KLHDC10: variants seen among roughly 807,000 people sequenced by gnomAD.
KLHDC10 encodes kelch domain containing 10, also known as kelch domain-containing protein 10.
KLHDC10 carries 24 observed loss-of-function variants against 56.1 expected under a neutral mutation model. That is an observed-to-expected ratio of 0.43 (90% CI 0.31 to 0.60). KLHDC10 has a LOEUF of 0.60. Ranked by LOEUF, KLHDC10 falls within the 20% of genes least tolerant of loss-of-function variation. KLHDC10 has a pLI of 0.11. For missense variants in KLHDC10, 349 were observed against 567.0 expected (o/e 0.62, Z 3.91); for synonymous variants, 188 against 207.1 (o/e 0.91, Z 0.79).
chr7:130,132,028 G>C lies in KLHDC10; in HGVS notation c.*1282G>C, dbSNP rs374433521. 6.6e-6 allele frequency: 1 copy of C among 151,824 alleles called. No homozygotes were observed. Among genetic ancestry groups the C allele is most frequent in the African/African-American group, 2.4e-5 (1 of 41,406 alleles). 9.4% of individuals were successfully genotyped at this position (151,824 alleles called of 1,614,324 possible). The stretch of plus-strand genomic sequence containing the variant: ...AATGAAACTGAGTAGCATTCATTTT[G>C]TGTGTGTGAAATTTTAGTTCTGGTT... On this transcript the variant is annotated 3_prime_UTR_variant, in exon 10 of 10. Transcript: ENST00000335420.
At chr7:130,129,013 A>G (rs181365982) in intron 8 of KLHDC10, among the ~76,000 whole-genome samples, 55 of 149,234 alleles carry the variant, frequency 3.7e-4, no homozygotes, top group African/African-American at 1.4e-3. Flanking sequence ...CGATCTGGCA[A>G]TTGCCAGCCT....
Position 130,116,730 on chromosome 7 carries a change from C to T in KLHDC10, c.475+64C>T. The T allele has an allele frequency of 8.0e-7, 1 of 1,255,978 alleles. No individual in the cohort carries two copies. The highest frequency in any genetic ancestry group is 1.2e-6 in the Non-Finnish European group (1 of 857,614). The allele number at this position is 1,255,978 out of a possible 1,614,324, so 77.8% of individuals were successfully genotyped here. A position where few individuals can be genotyped will look rare whatever the true frequency, so the allele number is the denominator to read the frequency against. On this transcript the variant is annotated intron_variant, in intron 3 of 9. Transcript: ENST00000335420. The surrounding 1 kb of genome is among the most constrained non-coding windows in gnomAD (Gnocchi z 4.8). ...TGTCTGAGAAGCCAGGTTCAATGTCCCATATTCCTCATTAATAATTTATAA... is the reference window on the plus strand; with the variant it reads ...TGTCTGAGAAGCCAGGTTCAATGTCTCATATTCCTCATTAATAATTTATAA...
rs1405013124 is a variant in KLHDC10 at position 130,134,592 on chromosome 7, T to C, written c.*3846T>C. 1 of 152,138 alleles carries C rather than the reference T, an allele frequency of 6.6e-6. No individual in the cohort carries two copies. The highest frequency in any genetic ancestry group is 1.5e-5 in the Non-Finnish European group (1 of 68,034). The allele number at this position is 152,138 out of a possible 1,614,324, so 9.4% of individuals were successfully genotyped here. On this transcript the variant is annotated 3_prime_UTR_variant, in exon 10 of 10. Transcript: ENST00000335420. Reference sequence around the variant, plus strand: ...TTGGCATGTAGGAAAGGTTGAATGATCCTCTAAGACTGTGTTGGTCTTCGT... The same window carrying C: ...TTGGCATGTAGGAAAGGTTGAATGACCCTCTAAGACTGTGTTGGTCTTCGT...
intron 1 of KLHDC10, among the ~76,000 whole-genome samples, chr7:130,074,703 C>T (rs1255563772): frequency 6.6e-6 from 1 of 151,426 alleles, no homozygotes; most frequent in Admixed American, 6.6e-5. Flanking sequence ...GCAACCTCTG[C>T]CTCCCAGGTT....
intron 2 of KLHDC10, among the ~76,000 whole-genome samples, chr7:130,114,107 A>G (rs1796136504): frequency 1.3e-5 from 2 of 152,162 alleles, no homozygotes; most frequent in African/African-American, 2.4e-5. Context: ...CCTGACGTTA[A>G]AGTCAACCAA....
At chr7:130,083,913 T>A (rs760133289) in intron 1 of KLHDC10, among the ~76,000 whole-genome samples, 1 of 152,154 alleles carries the variant, frequency 6.6e-6, no homozygotes, top group Non-Finnish European at 1.5e-5. Flanking sequence ...CTTAGTCGTC[T>A]TTGTCAACTC....
chr7:130,129,350 T>A (rs1796364793), intron 8 of KLHDC10, 87 bp from the exon 9 acceptor site: 1 of 1,482,738 alleles, frequency 6.7e-7, no homozygotes, highest in Non-Finnish European at 9.2e-7. Context: ...TGGCCGCATG[T>A]CAGCTGGCTG....
intron 2 of KLHDC10, among the ~76,000 whole-genome samples, chr7:130,100,417 G>A (rs2116875651): frequency 6.6e-6 from 1 of 152,300 alleles, no homozygotes; most frequent in South Asian, 2.1e-4. Flanking sequence ...TAAGGGCAGG[G>A]ACAATAGGAC....
intron 3 of KLHDC10, among the ~76,000 whole-genome samples, chr7:130,118,339 T>C (rs56077185): frequency 0.2 from 30,445 of 152,174 alleles, 3,649 homozygotes; most frequent in Non-Finnish European, 0.27. Context: ...TGAACCAACC[T>C]CTGCTAGCTT....
chr7:130,082,515 A>G (rs1280118794), intron 1 of KLHDC10, among the ~76,000 whole-genome samples: 1 of 152,168 alleles, frequency 6.6e-6, no homozygotes, highest in Non-Finnish European at 1.5e-5. Context: ...CTATATTTAA[A>G]TGTTTTACTC....
In KLHDC10 at chr7:130,133,259, C is replaced by G. The variant is rs1054345789; in HGVS notation, c.*2513C>G. The G allele has an allele frequency of 2.0e-4, 31 of 152,144 alleles. No individual in the cohort carries two copies. Among genetic ancestry groups the G allele is most frequent in the African/African-American group, 7.5e-4 (31 of 41,428 alleles). 9.4% of individuals were successfully genotyped at this position (152,144 alleles called of 1,614,324 possible). A position where few individuals can be genotyped will look rare whatever the true frequency, so the allele number is the denominator to read the frequency against. ...GGGGTCATCAGGCGTTTCGGTATAC[C>G]TATAACCAGCACTCGGAATTCCTGA... On this transcript the variant is annotated 3_prime_UTR_variant, in exon 10 of 10. Transcript: ENST00000335420.
At chr7:130,081,159 C>A (rs532893856) in intron 1 of KLHDC10, among the ~76,000 whole-genome samples, 1 of 151,632 alleles carries the variant, frequency 6.6e-6, no homozygotes, top group Admixed American at 6.6e-5. Context: ...CCACTACACC[C>A]GGCTAATTTT....
At chr7:130,106,579 T>G (rs961621123) in intron 2 of KLHDC10, among the ~76,000 whole-genome samples, 3 of 152,276 alleles carry the variant, frequency 2.0e-5, no homozygotes, top group African/African-American at 7.2e-5. Flanking sequence ...CTTTGCTGTA[T>G]TAAATAAAAC....
At chr7:130,122,721 A>G (rs963327648) in intron 5 of KLHDC10, among the ~76,000 whole-genome samples, 2 of 152,044 alleles carry the variant, frequency 1.3e-5, no homozygotes, top group Non-Finnish European at 2.9e-5. Context: ...GTCTGGCTAA[A>G]TTTTTGTACA....
chr7:130,128,889 A>AAAAAAAAAAATATATATATATATAT, intron 8 of KLHDC10, among the ~76,000 whole-genome samples: 22 of 66,942 alleles, frequency 3.3e-4, no homozygotes, highest in Non-Finnish European at 5.0e-4. Context: ...AAAAAAAAAA[A>AAAAAAAAAAATATATATATATATAT]ATATATATAT....
At position 130,074,003 on chromosome 7, in the gene KLHDC10, A is replaced by G. The variant is rs148703800; in HGVS notation, c.166+3194A>G. On this transcript the variant is annotated intron_variant, in intron 1 of 9. Coordinates refer to ENST00000335420, the MANE Select transcript of KLHDC10 (RefSeq NM_014997.4). ...CCAGTCTTTTTGCAAGCCCAAATAC[A>G]TTCTCATCCCTGCTCACAACCTTTT... is the stretch of plus-strand genomic sequence containing the variant. Among the ~76,000 whole-genome samples the G allele has an allele frequency of 2.0e-5, 3 of 152,300 alleles. No individual in the cohort carries two copies. In the South Asian group the frequency reaches 6.2e-4, roughly 32 times the overall value.
intron 2 of KLHDC10, among the ~76,000 whole-genome samples, chr7:130,097,570 T>C (rs1795866569): frequency 6.6e-6 from 1 of 152,082 alleles, no homozygotes; most frequent in Admixed American, 6.5e-5. Flanking sequence ...GAAGTGCCAA[T>C]AATTATGAAC....
At chr7:130,113,344 T>G (rs568409976) in intron 2 of KLHDC10, among the ~76,000 whole-genome samples, 95 of 151,974 alleles carry the variant, frequency 6.3e-4, no homozygotes, top group African/African-American at 2.1e-3. Flanking sequence ...CTTTTTTTTT[T>G]TTTTTGAGAC....
chr7:130,103,872 G>T (rs1329329018), intron 2 of KLHDC10, among the ~76,000 whole-genome samples: 1 of 152,010 alleles, frequency 6.6e-6, no homozygotes, highest in African/African-American at 2.4e-5. Flanking sequence ...GGTGGATCAC[G>T]AGGTCAGGAG....
Sources: allele counts gnomAD v4.1 joint callset (sites outside exome capture counted in the v4.1 genomes callset), GRCh38; gene constraint gnomAD v4.1.1; non-coding constraint Gnocchi (gnomAD v3.1); transcripts MANE v1.5; gene names NCBI Gene and HGNC (gene_info 2026-07-23, HGNC 2026-07-21).